COL24A1: variants seen among roughly 807,000 people sequenced by gnomAD.
COL24A1 encodes collagen alpha-1(XXIV) chain.
A neutral mutation model predicts 253.9 loss-of-function variants in COL24A1; 224 were observed. The ratio of observed to expected loss-of-function variants is 0.88; its 90% confidence interval spans 0.79 to 0.99. The LOEUF (loss-of-function observed/expected upper bound fraction) is 0.99. Ranked by LOEUF, COL24A1 falls within the 50% of genes least tolerant of loss-of-function variation. The pLI is 0.00. For synonymous variants in COL24A1, 685 were observed against 673.7 expected, an observed-to-expected ratio of 1.02 and a Z score of -0.26; for missense variants, 2,131 against 2,068.5, an observed-to-expected ratio of 1.03 and a Z score of -0.59.
intron 12 of COL24A1, among the ~76,000 whole-genome samples, chr1:86,043,319 T>C (rs770674234): frequency 8.6e-5 from 13 of 151,872 alleles, no homozygotes; most frequent in Non-Finnish European, 1.8e-4. Flanking sequence ...GTGTACCTAA[T>C]AATTATATAC....
chr1:86,052,129 A>C (rs928575571), intron 10 of COL24A1, among the ~76,000 whole-genome samples: 3 of 152,110 alleles, frequency 2.0e-5, no homozygotes, highest in African/African-American at 7.2e-5. Context: ...AAAGTTTAAA[A>C]GAAATTGAAG....
At chr1:85,975,450 C>T (rs953174852) in intron 20 of COL24A1, among the ~76,000 whole-genome samples, 3 of 152,006 alleles carry the variant, frequency 2.0e-5, no homozygotes, top group African/African-American at 7.2e-5. Flanking sequence ...GAATGAAATC[C>T]TATATTTGCC....
At chr1:86,102,490 G>A (rs545475729) in intron 5 of COL24A1, among the ~76,000 whole-genome samples, 1 of 152,050 alleles carries the variant, frequency 6.6e-6, no homozygotes, top group African/African-American at 2.4e-5. Flanking sequence ...TTGTTAAATT[G>A]AGATATTTCT....
chr1:85,833,788 A>G (rs1354547018), intron 43 of COL24A1, among the ~76,000 whole-genome samples: 1 of 152,148 alleles, frequency 6.6e-6, no homozygotes, highest in Non-Finnish European at 1.5e-5. Flanking sequence ...ATGCAGCCAT[A>G]AAAAAGGATG....
chr1:85,805,483 T>A (rs1671864099), intron 47 of COL24A1, among the ~76,000 whole-genome samples: 1 of 152,290 alleles, frequency 6.6e-6, no homozygotes, highest in Admixed American at 6.5e-5. Context: ...AATAACTACC[T>A]AGTAAATAGA....
chr1:86,035,413 A>AT (rs552508499), intron 12 of COL24A1, among the ~76,000 whole-genome samples: 35 of 152,134 alleles, frequency 2.3e-4, no homozygotes, highest in African/African-American at 6.7e-4. Flanking sequence ...GAGATGATTG[A>AT]TTTTTTTTAG....
intron 45 of COL24A1, among the ~76,000 whole-genome samples, chr1:85,819,789 C>T (rs573619808): frequency 1.5e-4 from 23 of 151,444 alleles, no homozygotes; most frequent in African/African-American, 4.6e-4. Flanking sequence ...TAGACACTGA[C>T]GGCAATCTCT....
At chr1:86,090,976 T>C (rs1466253005) in intron 6 of COL24A1, among the ~76,000 whole-genome samples, 1 of 152,114 alleles carries the variant, frequency 6.6e-6, no homozygotes, top group Non-Finnish European at 1.5e-5. Context: ...TCTAGGGGTT[T>C]TACTTAAAAT....
intron 35 of COL24A1, among the ~76,000 whole-genome samples, chr1:85,873,828 T>TTAAA (rs1553208872): frequency 3.4e-5 from 5 of 148,394 alleles, no homozygotes; most frequent in Admixed American, 1.3e-4. Flanking sequence ...TTAAAATACA[T>TTAAA]AAAAAAAAAA....
intron 42 of COL24A1, 90 bp downstream of exon 42, chr1:85,841,132 C>A: frequency 1.1e-6 from 1 of 918,876 alleles, no homozygotes; most frequent in South Asian, 1.6e-5. Context: ...CAAAAGAAAA[C>A]TCCTTGAAAA....
chr1:85,882,847 C>T (rs1386452772), intron 32 of COL24A1, among the ~76,000 whole-genome samples: 1 of 152,192 alleles, frequency 6.6e-6, no homozygotes, highest in Non-Finnish European at 1.5e-5. Flanking sequence ...GCTATCATTG[C>T]ACCATGTCTC....
intron 7 of COL24A1, among the ~76,000 whole-genome samples, chr1:86,065,278 T>A (rs1043418065): frequency 5.3e-5 from 8 of 152,230 alleles, no homozygotes; most frequent in Non-Finnish European, 1.0e-4. Context: ...TGCTTGATTT[T>A]CTTTGGCCAA....
At chr1:85,836,959 T>C (rs1256204250) in intron 43 of COL24A1, among the ~76,000 whole-genome samples, 1 of 152,230 alleles carries the variant, frequency 6.6e-6, no homozygotes, top group Non-Finnish European at 1.5e-5. Context: ...GCTCATTTGC[T>C]GGTAAATATA....
intron 45 of COL24A1, among the ~76,000 whole-genome samples, chr1:85,819,183 G>A (rs1673348942): frequency 6.6e-6 from 1 of 152,096 alleles, no homozygotes; most frequent in South Asian, 2.1e-4. Flanking sequence ...ACCAGAAAAT[G>A]GGATAGTTAG....
chr1:85,884,261 A>G (rs1244716158), intron 32 of COL24A1, among the ~76,000 whole-genome samples: 16 of 152,052 alleles, frequency 1.1e-4, no homozygotes, highest in Non-Finnish European at 5.9e-5. Context: ...TTTGAAAGCC[A>G]GACATGATGT....
rs1233331859 is a variant in COL24A1 at position 85,985,278 on chromosome 1, A to ATT, written c.2364+2322_2364+2323insAA. On this transcript the variant is annotated intron_variant, in intron 20 of 59. Transcript: ENST00000370571. ...TAGGAACATATATATCCAGACAAAAAATATGGCATGTAAGAAGCTGTGAGA... is the reference window on the plus strand; with the variant it reads ...TAGGAACATATATATCCAGACAAAAATTATATGGCATGTAAGAAGCTGTGAGA... Among the ~76,000 whole-genome samples, 4 of 151,846 alleles carry ATT rather than the reference A, an allele frequency of 2.6e-5. No individual in the cohort carries two copies. In the East Asian group the frequency reaches 7.7e-4, roughly 29 times the overall value.
chr1:86,056,335 T>A (rs749990068), intron 10 of COL24A1, among the ~76,000 whole-genome samples: 6 of 152,162 alleles, frequency 3.9e-5, no homozygotes, highest in Non-Finnish European at 8.8e-5. Flanking sequence ...TTGGTTCTAG[T>A]TCTAGCCAGC....
chr1:85,761,417 T>A lies in COL24A1; in HGVS notation c.4416A>T (p.Pro1472=), dbSNP rs778547428. Residue 1472 remains proline, a synonymous_variant, in exon 55 of 60, where the codon CCA becomes CCT. Coordinates refer to ENST00000370571, the MANE Select transcript of COL24A1 (RefSeq NM_152890.7). ...GPRGQPGPPG[P]PGAPGPRKQM... ...TTACTCTTGGGCCTGGTGCTCCAGG[T>A]GGACCCTAGAACACAGCAAATTAAA... 1 of 1,614,014 alleles carries A rather than the reference T, an allele frequency of 6.2e-7. No individual in the cohort carries two copies. Among genetic ancestry groups the A allele is most frequent in the Non-Finnish European group, 8.5e-7 (1 of 1,179,972 alleles).
intron 7 of COL24A1, among the ~76,000 whole-genome samples, chr1:86,079,600 T>G (rs1557532291): frequency 6.6e-6 from 1 of 152,102 alleles, no homozygotes; most frequent in African/African-American, 2.4e-5. Flanking sequence ...CTCAAACAAC[T>G]AATCAAGTAA....
Sources: gnomAD v4.1 joint callset for allele counts (sites outside exome capture counted in the v4.1 genomes callset) on GRCh38, gnomAD v4.1.1 for gene constraint, MANE v1.5 for transcripts, NCBI Gene and HGNC (gene_info 2026-07-23, HGNC 2026-07-21) for gene names.